Variants in ALDH3A1 observed in about 807,000 individuals in gnomAD.
The protein encoded by ALDH3A1 is aldehyde dehydrogenase 3 family member A1.
In ALDH3A1, 46 loss-of-function variants were observed where a neutral mutation model predicts 49.9. The ratio of observed to expected loss-of-function variants is 0.92; its 90% CI spans 0.73 to 1.18. The LOEUF (loss-of-function observed/expected upper bound fraction) is 1.18. Among genes scored for constraint, ALDH3A1 ranks in the 50% most tolerant of loss-of-function variants. The probability of loss-of-function intolerance (pLI) is 0.00; values close to 1 mark genes in which losing one functional copy is unlikely to be tolerated. For synonymous variants in ALDH3A1, 269 were observed against 253.3 expected, an observed-to-expected ratio of 1.06 and a Z score of -0.59; for missense variants, 592 against 611.8, an observed-to-expected ratio of 0.97 and a Z score of 0.34.
At chr17:19,739,409 C>T (rs1014455442) in intron 8 of ALDH3A1, 99 bp downstream of exon 8, 7 of 1,397,340 alleles carry the variant, frequency 5.0e-6, no homozygotes, top group Non-Finnish European at 5.8e-6. Flanking sequence ...CAGTGACTTG[C>T]CCAAGGTCAC....
chr17:19,745,246 G>A, intron 1 of ALDH3A1, 112 bp from the exon 2 acceptor site: 1 of 1,197,124 alleles, frequency 8.4e-7, no homozygotes, highest in Non-Finnish European at 1.1e-6. Flanking sequence ...TGGGGAAAAT[G>A]GCCTTTCCGC....
chr17:19,738,797 C>A (rs1380051209), intron 9 of ALDH3A1, among the ~76,000 whole-genome samples, 199 bp downstream of exon 9: 3 of 152,172 alleles, frequency 2.0e-5, no homozygotes, highest in African/African-American at 7.2e-5. Flanking sequence ...GGCCGGTGCA[C>A]CAGGTGACCT....
chr17:19,746,583 C>G (rs2086597037), intron 1 of ALDH3A1, among the ~76,000 whole-genome samples: 3 of 151,676 alleles, frequency 2.0e-5, no homozygotes. Context: ...AAACAAGTTA[C>G]AGAACAACAG....
chr17:19,742,256 C>T (rs775426468), intron 4 of ALDH3A1, 44 bp from the exon 5 acceptor site: 2 of 1,591,052 alleles, frequency 1.3e-6, no homozygotes, highest in Middle Eastern at 1.7e-4. Context: ...AGACCAAGCC[C>T]CTCCTCGCTC....
chr17:19,748,260 TTTGA>T lies in ALDH3A1; in HGVS notation c.-11_-8del. ...AAGGAATGCAGGGAAGAGGATTACC[TTTGA>T]CACAGCCTCTCCCGGTAACTGGGGC... On this transcript the variant is annotated splice_region_variant and 5_prime_UTR_variant, in exon 1 of 11. Transcript: ENST00000225740. This position sits in a 1 kb window ranked among gnomAD's most constrained non-coding sequence, Gnocchi z 4.4. 1 of 505,942 alleles carries T rather than the reference TTTGA, an allele frequency of 2.0e-6. No homozygotes were observed. The highest frequency in any genetic ancestry group is 4.0e-6 in the Non-Finnish European group (1 of 252,916). 31.3% of individuals were successfully genotyped at this position (505,942 alleles called of 1,614,324 possible).
Position 19,744,728 on chromosome 17 carries a change from A to T in ALDH3A1, c.162+240T>A, listed in dbSNP as rs2086565006. The T allele has an allele frequency of 4.4e-6, 6 of 1,351,530 alleles. No individual in the cohort carries two copies. The South Asian group carries it at 1.0e-4, about 24-fold the overall frequency. The allele number at this position is 1,351,530 out of a possible 1,614,324, so 83.7% of individuals were successfully genotyped here. A position where few individuals can be genotyped will look rare whatever the true frequency, so the allele number is the denominator to read the frequency against. On this transcript the variant is annotated intron_variant, in intron 2 of 10. Coordinates refer to ENST00000225740, the MANE Select transcript of ALDH3A1 (RefSeq NM_000691.5). ...GGGCAGCAGGAAGTTGAAATGGGGG[A>T]CGCTGCGGGCGGGACGCGGAGGCCG...
In ALDH3A1 at chr17:19,738,153, G is replaced by C. The variant is rs1229975586; in HGVS notation, c.*68C>G. ...AGGAGCGATTCTCCCAGGGCCAGGA[G>C]AGCCAGTGAGGGTGGTCCGCACTCC... is the stretch of plus-strand genomic sequence containing the variant. On this transcript the variant is annotated 3_prime_UTR_variant, in exon 11 of 11. Transcript: ENST00000225740. 4 of 1,611,592 alleles carry C rather than the reference G, an allele frequency of 2.5e-6. No individual in the cohort carries two copies. Among genetic ancestry groups the C allele is most frequent in the Non-Finnish European group, 3.4e-6 (4 of 1,179,948 alleles).
chr17:19,743,238 C>T lies in ALDH3A1; in HGVS notation c.388G>A (p.Ala130Thr), dbSNP rs756253107. 2.2e-5 allele frequency: 36 copies of T among 1,613,548 alleles called. No homozygotes were observed. The highest frequency in any genetic ancestry group is 3.3e-5 in the South Asian group (3 of 90,986). The change falls in exon 3 of 11, where the codon GCT becomes ACT. Residue 130 changes from alanine (A) to threonine (T), a missense_variant. By Grantham distance (58) the Ala-to-Thr change is moderately conservative. Transcript: ENST00000225740. The surrounding 1 kb of genome is among the most constrained non-coding windows in gnomAD (Gnocchi z 4.4). ...TTCCCACAGGGCCATGCACCTGCAG[C>T]GATGGCGCCCACCATGGGCTGGATG... is the stretch of plus-strand genomic sequence containing the variant. The part of the protein sequence containing the change: ...LTIQPMVGAI[A>T]AGNSVVLKPS...
intron 3 of ALDH3A1, chr17:19,742,954 G>A (rs1057088593): frequency 1.4e-5 from 21 of 1,525,732 alleles, no homozygotes; most frequent in Non-Finnish European, 1.8e-5. Flanking sequence ...TAGGAAGGAA[G>A]CCCTGATGCA....
intron 3 of ALDH3A1, 34 bp from the exon 4 acceptor site, chr17:19,742,664 G>A: frequency 6.2e-7 from 1 of 1,613,514 alleles, no homozygotes; most frequent in Non-Finnish European, 8.5e-7. Context: ...CTATGCCCAG[G>A]GTACTTCACC....
In ALDH3A1 at chr17:19,744,908, C is replaced by T; in HGVS notation, c.162+60G>A. 7.7e-6 allele frequency: 7 copies of T among 908,502 alleles called. 1 individual carries two copies. Among genetic ancestry groups the T allele is most frequent in the Non-Finnish European group, 8.7e-6 (6 of 687,186 alleles). The allele number at this position is 908,502 out of a possible 1,614,324, so 56.3% of individuals were successfully genotyped here. A position where few individuals can be genotyped will look rare whatever the true frequency, so the allele number is the denominator to read the frequency against. ...TGGGTCGCACTCTCCCCAGCCCCTC[C>T]CCCCACGCCCCATCGCATGGCCCCG... On this transcript the variant is annotated intron_variant, in intron 2 of 10. Coordinates refer to ENST00000225740, the MANE Select transcript of ALDH3A1 (RefSeq NM_000691.5).
intron 1 of ALDH3A1, among the ~76,000 whole-genome samples, chr17:19,746,732 T>C (rs987410288): frequency 6.6e-6 from 1 of 151,362 alleles, no homozygotes; most frequent in Non-Finnish European, 1.5e-5. Context: ...TGTGCGCGCG[T>C]GTGCGTGTGT....
chr17:19,740,180 GC>G lies in ALDH3A1; in HGVS notation c.949+155del, dbSNP rs2086463892. 9 of 927,002 alleles carry G rather than the reference GC, an allele frequency of 9.7e-6. No homozygotes were observed. The African/African-American group carries it at 1.3e-4, about 14-fold the overall frequency. 57.4% of individuals were successfully genotyped at this position (927,002 alleles called of 1,614,324 possible). ...GAAGCAGGGGCTGTCCTCAGCCCCT[GC>G]CTGCTGGAGTCTACCGCAGGCTCCC... On this transcript the variant is annotated intron_variant, in intron 7 of 10. Coordinates refer to ENST00000225740, the MANE Select transcript of ALDH3A1 (RefSeq NM_000691.5).
intron 4 of ALDH3A1, 91 bp downstream of exon 4, chr17:19,742,454 T>C: frequency 1.0e-5 from 15 of 1,433,954 alleles, no homozygotes; most frequent in Non-Finnish European, 1.3e-5. Context: ...GGCCCCTTGC[T>C]GCAAGAATTC....
chr17:19,740,207 TG>T, intron 7 of ALDH3A1, 128 bp downstream of exon 7: 1 of 1,310,352 alleles, frequency 7.6e-7, no homozygotes, highest in Non-Finnish European at 1.0e-6. Context: ...GCAGGCTCCC[TG>T]GTGAAAGCAA....
At position 19,741,210 on chromosome 17, in the gene ALDH3A1, T is replaced by G; in HGVS notation, c.690A>C (p.Arg230=). The change falls in exon 6 of 11, where the codon CGA becomes CGC. Residue 230 remains arginine (R), a splice_region_variant and synonymous_variant. Transcript: ENST00000225740. The part of the protein sequence containing the change: ...DKNCDLDVAC[R]RIAWGKFMNS... ...TCATGAATTTCCCCCAGGCGATGCG[T>G]CTGTGAGAATCCCAGACTGGACTAA... 2 of 1,613,248 alleles carry G rather than the reference T, an allele frequency of 1.2e-6. No individual in the cohort carries two copies. The highest frequency in any genetic ancestry group is 1.7e-6 in the Non-Finnish European group (2 of 1,179,390).
rs1487000225 is a variant in ALDH3A1, at chr17:19,743,079, G to A, written c.394+153C>T. On this transcript the variant is annotated intron_variant, in intron 3 of 10. Transcript: ENST00000225740. The surrounding 1 kb of genome is among the most constrained non-coding windows in gnomAD (Gnocchi z 4.4). ...TGGACCTCAGGCACCAAGAGGCCTG[G>A]CTAAACAGCTTGGTCCCCACAGCCT... 1 of 1,534,710 alleles carries A rather than the reference G, an allele frequency of 6.5e-7. No homozygotes were observed. The highest frequency in any genetic ancestry group is 8.7e-7 in the Non-Finnish European group (1 of 1,146,542).
At position 19,744,124 on chromosome 17, in the gene ALDH3A1, G is replaced by A. The variant is rs922083701; in HGVS notation, c.163-661C>T. ...TGAAAAGTGCAGTAGCAGGCCCGGC[G>A]CTGTGGCTCATGCCTGTAATCCCAG... On this transcript the variant is annotated intron_variant, in intron 2 of 10. Coordinates refer to ENST00000225740, the MANE Select transcript of ALDH3A1 (RefSeq NM_000691.5). The A allele has an allele frequency of 1.1e-4, 111 of 985,186 alleles. No individual in the cohort carries two copies. The African/African-American group carries it at 1.8e-3, about 16-fold the overall frequency. 61.0% of individuals were successfully genotyped at this position (985,186 alleles called of 1,614,324 possible). A position where few individuals can be genotyped will look rare whatever the true frequency, so the allele number is the denominator to read the frequency against.
In ALDH3A1 at chr17:19,743,591, C is replaced by T. The variant is rs996230627; in HGVS notation, c.163-128G>A. ...TCACCCAGCCCAGGGTGGGGGCAGC[C>T]GCAGAAGGCTCCCAGGGGAAGCAGA... On this transcript the variant is annotated intron_variant, in intron 2 of 10. Transcript: ENST00000225740. This position sits in a 1 kb window ranked among gnomAD's most constrained non-coding sequence, Gnocchi z 4.4. 2.5e-5 allele frequency: 37 copies of T among 1,458,064 alleles called. No homozygotes were observed. Among genetic ancestry groups the T allele is most frequent in the Admixed American group, 8.2e-5 (3 of 36,706 alleles). The allele number at this position is 1,458,064 out of a possible 1,614,324, so 90.3% of individuals were successfully genotyped here.
Sources: gnomAD v4.1 joint callset for allele counts (sites outside exome capture counted in the v4.1 genomes callset) on GRCh38, gnomAD v4.1.1 for gene constraint, Gnocchi (gnomAD v3.1) non-coding constraint, MANE v1.5 for transcripts, NCBI Gene and HGNC (gene_info 2026-07-23, HGNC 2026-07-21) for gene names.